The following ATRNL1 variants were observed in gnomAD, a reference collection of about 807,000 sequenced individuals.
The protein encoded by ATRNL1 is attractin like 1, also known as attractin-like protein 1.
A neutral mutation model predicts 182.7 loss-of-function variants in ATRNL1; 95 were observed. That is an observed-to-expected ratio of 0.52 (90% confidence interval 0.44 to 0.62). The LOEUF is 0.62. Ranked by LOEUF, ATRNL1 falls within the 20% of genes least tolerant of loss-of-function variation. The pLI is 0.00. For synonymous variants in ATRNL1, 576 were observed against 568.3 expected (o/e 1.01, Z -0.19); for missense variants, 1,471 against 1,679.5 (o/e 0.88, Z 2.17).
chr10:115,313,781 A>G (rs927202754), intron 17 of ATRNL1, among the ~76,000 whole-genome samples: 2 of 152,190 alleles, frequency 1.3e-5, no homozygotes, highest in African/African-American at 4.8e-5. Flanking sequence ...GAGTCCCACT[A>G]AAGATTTACT....
chr10:115,108,290 T>C (rs530182280), intron 1 of ATRNL1, among the ~76,000 whole-genome samples: 76 of 152,306 alleles, frequency 5.0e-4, no homozygotes, highest in African/African-American at 1.8e-3. Context: ...GGCTACATTG[T>C]CTGGGGTATA....
At chr10:115,561,014 T>C (rs1442933954) in intron 26 of ATRNL1, among the ~76,000 whole-genome samples, 1 of 152,020 alleles carries the variant, frequency 6.6e-6, no homozygotes, top group Non-Finnish European at 1.5e-5. Context: ...TCAATAGGAA[T>C]CGATACACCA....
At chr10:115,909,664 G>C (rs1439608821) in intron 28 of ATRNL1, 1 of 149,554 alleles carries the variant, frequency 6.7e-6, no homozygotes, top group Admixed American at 6.7e-5. Flanking sequence ...GAGGTGGGAG[G>C]ACAAATGCCA....
intron 21 of ATRNL1, among the ~76,000 whole-genome samples, chr10:115,440,902 C>A (rs1322884679): frequency 6.6e-6 from 1 of 151,846 alleles, no homozygotes; most frequent in Admixed American, 6.6e-5. Context: ...TTTAAAACTT[C>A]ATCTCTATTC....
intron 24 of ATRNL1, among the ~76,000 whole-genome samples, chr10:115,511,898 G>A (rs187708235): frequency 1.3e-5 from 2 of 151,620 alleles, no homozygotes; most frequent in African/African-American, 2.4e-5. Flanking sequence ...TATTTTGGGG[G>A]TTTTTTAAAC....
intron 8 of ATRNL1, among the ~76,000 whole-genome samples, chr10:115,202,325 T>C (rs1848615270): frequency 6.7e-6 from 1 of 150,252 alleles, no homozygotes; most frequent in African/African-American, 2.4e-5. Context: ...TCAAAGGGAA[T>C]GCTTCCAGTT....
intron 19 of ATRNL1, among the ~76,000 whole-genome samples, chr10:115,338,777 G>C (rs1344884223): frequency 6.6e-6 from 1 of 152,152 alleles, no homozygotes; most frequent in Non-Finnish European, 1.5e-5. Context: ...TGTGCTTACA[G>C]GGTATTGTCC....
At chr10:115,881,288 C>T (rs531532836) in intron 28 of ATRNL1, among the ~76,000 whole-genome samples, 1 of 152,340 alleles carries the variant, frequency 6.6e-6, no homozygotes, top group African/African-American at 2.4e-5. Context: ...GAGTTTATGG[C>T]TTGGCACAGA....
chr10:115,680,783 A>G (rs1459052604), intron 26 of ATRNL1, among the ~76,000 whole-genome samples: 9 of 152,282 alleles, frequency 5.9e-5, no homozygotes, highest in Admixed American at 1.3e-4. Flanking sequence ...AGCAATAGCT[A>G]TATATATAGC....
intron 26 of ATRNL1, among the ~76,000 whole-genome samples, chr10:115,573,070 C>A (rs1854498233): frequency 6.6e-6 from 1 of 152,172 alleles, no homozygotes; most frequent in South Asian, 2.1e-4. Flanking sequence ...TGCCTTATTG[C>A]AAGGGTAAAG....
intron 19 of ATRNL1, among the ~76,000 whole-genome samples, chr10:115,363,945 G>A (rs1856886069): frequency 6.6e-6 from 1 of 151,918 alleles, no homozygotes; most frequent in African/African-American, 2.4e-5. Flanking sequence ...TTTGAAGTCA[G>A]GTAGTGTGAT....
At chr10:115,285,915 T>C (rs1852589082) in intron 14 of ATRNL1, among the ~76,000 whole-genome samples, 1 of 152,058 alleles carries the variant, frequency 6.6e-6, no homozygotes, top group Admixed American at 6.6e-5. Flanking sequence ...GTAGTGATTT[T>C]ACTTATTGAA....
chr10:115,380,442 A>G (rs1857934246), intron 19 of ATRNL1, among the ~76,000 whole-genome samples: 3 of 152,188 alleles, frequency 2.0e-5, no homozygotes, highest in Admixed American at 1.3e-4. Context: ...TCATGCAAAC[A>G]TAATTATAAT....
intron 8 of ATRNL1, among the ~76,000 whole-genome samples, chr10:115,173,513 GTTAC>G (rs1187608515): frequency 6.6e-6 from 1 of 151,804 alleles, no homozygotes; most frequent in Non-Finnish European, 1.5e-5. Context: ...TAGGCCTTCT[GTTAC>G]TGACTTAGTA....
intron 5 of ATRNL1, among the ~76,000 whole-genome samples, chr10:115,148,919 T>A (rs544130798): frequency 1.3e-4 from 20 of 151,914 alleles, no homozygotes; most frequent in African/African-American, 4.6e-4. Flanking sequence ...CCAGGTAATT[T>A]TTGTATTTTT....
rs1371850889 is a variant in ATRNL1 at position 115,120,163 on chromosome 10, ATTATT to A, written c.294-14_294-10del. ...AAGTTATTTTAAGGTAATTATTTTC[ATTATT>A]TTATTTTCTCTTCCAGGTTAACAGA... On this transcript the variant is annotated splice_polypyrimidine_tract_variant and intron_variant, in intron 1 of 28. Coordinates refer to ENST00000355044, the MANE Select transcript of ATRNL1 (RefSeq NM_207303.4). The A allele has an allele frequency of 2.9e-6, 4 of 1,356,308 alleles. No individual in the cohort carries two copies. In the African/African-American group the frequency reaches 4.4e-5, roughly 15 times the overall value. The allele number at this position is 1,356,308 out of a possible 1,614,324, so 84.0% of individuals were successfully genotyped here. A position where few individuals can be genotyped will look rare whatever the true frequency, so the allele number is the denominator to read the frequency against.
At chr10:115,369,589 C>T (rs1250551376) in intron 19 of ATRNL1, among the ~76,000 whole-genome samples, 2 of 152,128 alleles carry the variant, frequency 1.3e-5, no homozygotes, top group East Asian at 1.9e-4. Flanking sequence ...TATATATACA[C>T]AGTAGTGGGA....
chr10:115,812,236 A>G (rs1171954062), intron 27 of ATRNL1, among the ~76,000 whole-genome samples: 1 of 152,132 alleles, frequency 6.6e-6, no homozygotes, highest in Non-Finnish European at 1.5e-5. Context: ...GACAATCTCT[A>G]CCTTTTAATT....
rs529571119 is a variant in ATRNL1, at chr10:115,096,560, T to C, written c.293+2517T>C. On this transcript the variant is annotated intron_variant, in intron 1 of 28. Coordinates refer to ENST00000355044, the MANE Select transcript of ATRNL1 (RefSeq NM_207303.4). ...AGGATAGCAACCTTACAAACAGACA[T>C]TAAAAATGATTGATCAATCTTGGTA... The C allele has an allele frequency of 5.6e-5, 42 of 751,940 alleles. 1 individual carries two copies. The South Asian group carries it at 6.1e-4, about 11-fold the overall frequency. 46.6% of individuals were successfully genotyped at this position (751,940 alleles called of 1,614,324 possible). A position where few individuals can be genotyped will look rare whatever the true frequency, so the allele number is the denominator to read the frequency against.
Sources: gnomAD v4.1 joint callset for allele counts (sites outside exome capture counted in the v4.1 genomes callset) on GRCh38, gnomAD v4.1.1 for gene constraint, MANE v1.5 for transcripts, NCBI Gene and HGNC (gene_info 2026-07-23, HGNC 2026-07-21) for gene names.